ZNF385D: variants seen among roughly 807,000 people sequenced by gnomAD.
ZNF385D encodes zinc finger protein 659.
A neutral mutation model predicts 35.8 loss-of-function variants in ZNF385D; 15 were observed. The observed-to-expected ratio is 0.42, with a 90% CI of 0.28 to 0.64. The LOEUF (loss-of-function observed/expected upper bound fraction) is 0.64. ZNF385D is among the 30% of genes least tolerant of loss of function. The pLI is 0.23. For missense variants in ZNF385D, 474 were observed against 494.6 expected, an observed-to-expected ratio of 0.96 and a Z score of 0.39; for synonymous variants, 212 against 186.8, an observed-to-expected ratio of 1.13 and a Z score of -1.10.
chr3:22,162,966 G>C (rs533172145), intron 3 of ZNF385D, among the ~76,000 whole-genome samples: 30 of 152,140 alleles, frequency 2.0e-4, no homozygotes, highest in Non-Finnish European at 3.7e-4. Context: ...CGTAAGAAAA[G>C]CAGGACATAG....
chr3:22,173,421 C>CT lies in ZNF385D; in HGVS notation c.107-4387dup, dbSNP rs201583231. On this transcript the variant is annotated intron_variant, in intron 2 of 5. Coordinates refer to the ZNF385D transcript ENST00000494108. Reference sequence around the variant, plus strand: ...ATTGGATGGGAGGTCTATGGGAACTCTACCAATTTGGCAACTTTTCTGCAA... The same window carrying CT: ...ATTGGATGGGAGGTCTATGGGAACTCTTACCAATTTGGCAACTTTTCTGCAA... 6.6e-3 allele frequency among the ~76,000 whole-genome samples: 1,003 copies of CT among 152,240 alleles called. 10 individuals are homozygous for CT. The highest frequency in any genetic ancestry group is 0.023 in the African/African-American group (941 of 41,538).
chr3:22,326,665 T>C (rs1433754870), intron 2 of ZNF385D, among the ~76,000 whole-genome samples: 3 of 152,134 alleles, frequency 2.0e-5, no homozygotes, highest in Non-Finnish European at 4.4e-5. Context: ...CTTAGATGGA[T>C]TTGGGTTTTA....
At chr3:21,933,094 C>T (rs1701094319) in intron 3 of ZNF385D, among the ~76,000 whole-genome samples, 1 of 152,174 alleles carries the variant, frequency 6.6e-6, no homozygotes, top group Non-Finnish European at 1.5e-5. Context: ...TGTGCCATTT[C>T]CCTGTGTGGT....
intron 2 of ZNF385D, among the ~76,000 whole-genome samples, chr3:22,301,818 T>A (rs761325932): frequency 6.6e-6 from 1 of 152,108 alleles, no homozygotes; most frequent in Non-Finnish European, 1.5e-5. Context: ...GCAATATATA[T>A]AACTATTGTC....
chr3:22,166,475 T>C (rs1421407952), intron 3 of ZNF385D, among the ~76,000 whole-genome samples: 1 of 152,214 alleles, frequency 6.6e-6, no homozygotes, highest in Non-Finnish European at 1.5e-5. Flanking sequence ...CAGGGTTTCA[T>C]TGCAAGTTCA....
chr3:22,337,672 T>C (rs182831042), intron 2 of ZNF385D, among the ~76,000 whole-genome samples: 112 of 152,362 alleles, frequency 7.4e-4, no homozygotes, highest in African/African-American at 2.6e-3. Flanking sequence ...GTTTGCCTGA[T>C]ACTAATAGAA....
chr3:21,487,500 C>T (rs932786568), intron 4 of ZNF385D, among the ~76,000 whole-genome samples: 5 of 152,098 alleles, frequency 3.3e-5, no homozygotes, highest in Non-Finnish European at 4.4e-5. Context: ...TAATCTTCCT[C>T]ATTGTCAATC....
At chr3:21,764,572 T>A (rs1290652847) in intron 3 of ZNF385D, among the ~76,000 whole-genome samples, 1 of 152,160 alleles carries the variant, frequency 6.6e-6, no homozygotes, top group East Asian at 1.9e-4. Flanking sequence ...AAAAGATATT[T>A]TGCATGGCTG....
chr3:21,881,953 A>G (rs976842086), intron 3 of ZNF385D, among the ~76,000 whole-genome samples: 1 of 152,038 alleles, frequency 6.6e-6, no homozygotes, highest in Non-Finnish European at 1.5e-5. Context: ...GATGTTACTG[A>G]GTTGTTGCAA....
At chr3:21,884,297 G>A (rs1698427827) in intron 3 of ZNF385D, among the ~76,000 whole-genome samples, 1 of 152,002 alleles carries the variant, frequency 6.6e-6, no homozygotes, top group South Asian at 2.1e-4. Flanking sequence ...CTTGCAAACA[G>A]TAGACAACTC....
chr3:21,505,283 G>A lies in ZNF385D; in HGVS notation c.439+5578C>T, dbSNP rs1057199357. ...AAAGCAGATCTGGACTTAGGAGAAGGACAGGGCAAGAGAATCTTAAGACAT... is the reference window on the plus strand; with the variant it reads ...AAAGCAGATCTGGACTTAGGAGAAGAACAGGGCAAGAGAATCTTAAGACAT... On this transcript the variant is annotated intron_variant, in intron 4 of 7. Coordinates refer to ENST00000281523, the MANE Select transcript of ZNF385D (RefSeq NM_024697.3). Among the ~76,000 whole-genome samples, 28 of 152,082 alleles carry A rather than the reference G, an allele frequency of 1.8e-4. 1 individual carries two copies. The highest frequency in any genetic ancestry group is 8.8e-5 in the Non-Finnish European group (6 of 68,014).
intron 2 of ZNF385D, among the ~76,000 whole-genome samples, chr3:22,229,731 G>A (rs1365884867): frequency 6.6e-6 from 1 of 152,084 alleles, no homozygotes; most frequent in Non-Finnish European, 1.5e-5. Context: ...ATAGACAAGT[G>A]GTCACTCAAA....
intron 2 of ZNF385D, among the ~76,000 whole-genome samples, chr3:21,576,637 G>A (rs920191251): frequency 3.3e-5 from 5 of 152,132 alleles, no homozygotes; most frequent in African/African-American, 1.2e-4. Context: ...CCAGTGGGTG[G>A]AGACTGTGTT....
At position 22,206,880 on chromosome 3, in the gene ZNF385D, A is replaced by C. The variant is rs544027230; in HGVS notation, c.107-37845T>G. Among the ~76,000 whole-genome samples the C allele has an allele frequency of 3.9e-5, 6 of 152,022 alleles. No individual in the cohort carries two copies. In the South Asian group the frequency reaches 8.3e-4, roughly 21 times the overall value. On this transcript the variant is annotated intron_variant, in intron 2 of 5. Transcript: ENST00000494108. Reference sequence around the variant, plus strand: ...TAAAGTACAAGAAAAGAGCAAACCAAAGCCAAAGTTAGTAGAACAAAGAAA... The same window carrying C: ...TAAAGTACAAGAAAAGAGCAAACCACAGCCAAAGTTAGTAGAACAAAGAAA...
chr3:21,628,281 C>T (rs914741450), intron 2 of ZNF385D, among the ~76,000 whole-genome samples: 1 of 152,094 alleles, frequency 6.6e-6, no homozygotes, highest in Non-Finnish European at 1.5e-5. Context: ...TAATTGCTCA[C>T]AAGCAACAAT....
intron 1 of ZNF385D, among the ~76,000 whole-genome samples, chr3:21,705,829 T>C (rs1051536978): frequency 3.9e-5 from 6 of 152,202 alleles, no homozygotes; most frequent in African/African-American, 1.4e-4. Context: ...TGTTTGGATT[T>C]GGCTGTCTGG....
intron 3 of ZNF385D, among the ~76,000 whole-genome samples, chr3:22,151,368 AC>A (rs1264630932): frequency 3.3e-5 from 5 of 152,164 alleles, no homozygotes; most frequent in Admixed American, 3.3e-4. Flanking sequence ...GTTATTAAAT[AC>A]CCACAAGAAA....
chr3:22,336,485 A>G (rs1253526347), intron 2 of ZNF385D, among the ~76,000 whole-genome samples: 7 of 152,094 alleles, frequency 4.6e-5, no homozygotes, highest in Non-Finnish European at 8.8e-5. Flanking sequence ...TTTATATTCT[A>G]TGTGACTTTT....
intron 3 of ZNF385D, among the ~76,000 whole-genome samples, chr3:21,849,275 ACTT>A (rs66628638): frequency 0.19 from 29,076 of 152,022 alleles, 2,901 homozygotes; most frequent in East Asian, 0.28. Flanking sequence ...TAATAGTGCC[ACTT>A]CTTATATGGT....
Sources: allele counts gnomAD v4.1 joint callset (sites outside exome capture counted in the v4.1 genomes callset), GRCh38; gene constraint gnomAD v4.1.1; transcripts MANE v1.5; gene names NCBI Gene and HGNC (gene_info 2026-07-23, HGNC 2026-07-21).